The following KIF9 variants were observed in gnomAD, a reference collection of about 807,000 sequenced individuals.
The protein encoded by KIF9 is kinesin-like protein KIF9.
A neutral mutation model predicts 94.8 loss-of-function variants in KIF9; 68 were observed. The observed-to-expected ratio is 0.72, with a 90% CI of 0.59 to 0.88. The LOEUF (loss-of-function observed/expected upper bound fraction) is 0.88, where lower values mean the gene tolerates loss of function less well. Among genes scored for constraint, KIF9 ranks in the 40% least tolerant of loss-of-function variants. The pLI is 0.00. For synonymous variants in KIF9, 343 were observed against 362.1 expected (o/e 0.95, Z 0.60); for missense variants, 882 against 982.5 (o/e 0.90, Z 1.37).
At chr3:47,256,108 T>C (rs1700568629) in intron 10 of KIF9, among the ~76,000 whole-genome samples, 1 of 152,230 alleles carries the variant, frequency 6.6e-6, no homozygotes, top group Admixed American at 6.5e-5. Context: ...CTCGGCTCGC[T>C]ACAACTTCCA....
intron 5 of KIF9, among the ~76,000 whole-genome samples, chr3:47,270,551 G>A (rs1701582552): frequency 6.6e-6 from 1 of 151,798 alleles, no homozygotes; most frequent in South Asian, 2.1e-4. Flanking sequence ...CACTGCACCC[G>A]GCCTTATTTT....
chr3:47,276,671 GGCT>G (rs1454097481), intron 2 of KIF9, among the ~76,000 whole-genome samples: 1 of 152,140 alleles, frequency 6.6e-6, no homozygotes, highest in East Asian at 1.9e-4. Flanking sequence ...CATTTGATAG[GGCT>G]GCATGTGAGC....
intron 13 of KIF9, 194 bp from the exon 14 acceptor site, chr3:47,245,705 G>A (rs1002191940): frequency 1.9e-5 from 11 of 589,210 alleles, no homozygotes; most frequent in African/African-American, 7.4e-5. Flanking sequence ...CCCACTGTCC[G>A]ACCCCCATAC....
intron 10 of KIF9, among the ~76,000 whole-genome samples, chr3:47,254,730 A>T (rs995364351): frequency 2.6e-5 from 4 of 152,246 alleles, no homozygotes; most frequent in African/African-American, 9.6e-5. Flanking sequence ...CTAGGATGCC[A>T]GTGGTTCTCA....
At chr3:47,259,727 G>A (rs1363106369) in intron 9 of KIF9, among the ~76,000 whole-genome samples, 8 of 148,208 alleles carry the variant, frequency 5.4e-5, no homozygotes, top group African/African-American at 7.5e-5. Context: ...GATTAAGGGC[G>A]GTGCAAGATG....
chr3:47,228,975 G>C (rs1457988126), intron 20 of KIF9, among the ~76,000 whole-genome samples: 2 of 152,218 alleles, frequency 1.3e-5, no homozygotes, highest in African/African-American at 4.8e-5. Context: ...GGGCATTCTT[G>C]GGAGTTTCTG....
At chr3:47,258,374 T>G (rs2107360848) in intron 9 of KIF9, among the ~76,000 whole-genome samples, 1 of 152,302 alleles carries the variant, frequency 6.6e-6, no homozygotes, top group Admixed American at 6.5e-5. Context: ...GCCTCCTAAG[T>G]AGCTGGGGCT....
At chr3:47,281,784 A>T (rs573833105) in intron 1 of KIF9, among the ~76,000 whole-genome samples, 2 of 152,308 alleles carry the variant, frequency 1.3e-5, no homozygotes, top group African/African-American at 2.4e-5. Flanking sequence ...AGGTTTCCTC[A>T]TTTGTCTTTA....
intron 20 of KIF9, among the ~76,000 whole-genome samples, chr3:47,231,404 CTTTTTTTT>C (rs34079988): frequency 2.5e-5 from 2 of 79,786 alleles, no homozygotes; most frequent in South Asian, 5.2e-4. Flanking sequence ...TCAGTATCTA[CTTTTTTTT>C]TTTTTTTTTT....
chr3:47,248,930 CCTA>C (rs1160243589), intron 10 of KIF9, among the ~76,000 whole-genome samples: 1 of 151,970 alleles, frequency 6.6e-6, no homozygotes, highest in Non-Finnish European at 1.5e-5. Flanking sequence ...AGACAGGGGT[CCTA>C]CTATGTTGCC....
chr3:47,273,330 T>A (rs569218875), intron 4 of KIF9, among the ~76,000 whole-genome samples: 2 of 152,134 alleles, frequency 1.3e-5, no homozygotes, highest in Non-Finnish European at 2.9e-5. Flanking sequence ...ACAGGCTCAG[T>A]GTGGGTATGG....
chr3:47,229,794 C>G (rs538422413), intron 20 of KIF9, among the ~76,000 whole-genome samples: 1 of 151,194 alleles, frequency 6.6e-6, no homozygotes, highest in East Asian at 1.9e-4. Context: ...AGTACAGTGG[C>G]GCAATCTCGG....
In KIF9 at chr3:47,267,305, A is replaced by C. The variant is rs1266851832; in HGVS notation, c.592-42T>G. ...TCATAGGCAACATTTCGAAAAACTA[A>C]AACGACAAGGCACTTGGGTCATTTT... On this transcript the variant is annotated intron_variant, in intron 5 of 20. Transcript: ENST00000684063. 2.1e-6 allele frequency: 3 copies of C among 1,399,494 alleles called. No homozygotes were observed. In the African/African-American group the frequency reaches 4.2e-5, roughly 20 times the overall value. The allele number at this position is 1,399,494 out of a possible 1,614,324, so 86.7% of individuals were successfully genotyped here.
chr3:47,280,203 C>A (rs917695377), intron 1 of KIF9, among the ~76,000 whole-genome samples: 2 of 152,132 alleles, frequency 1.3e-5, no homozygotes, highest in East Asian at 1.9e-4. Flanking sequence ...AGCAATCCAC[C>A]CACCTCAGCC....
intron 10 of KIF9, among the ~76,000 whole-genome samples, chr3:47,255,908 C>T (rs1700548681): frequency 1.3e-5 from 2 of 152,218 alleles, no homozygotes; most frequent in African/African-American, 4.8e-5. Context: ...TGCGGGCGCG[C>T]GCCACCACAC....
intron 10 of KIF9, among the ~76,000 whole-genome samples, chr3:47,254,510 C>T (rs1700452585): frequency 6.6e-6 from 1 of 152,126 alleles, no homozygotes. Flanking sequence ...ACTTGGGAGG[C>T]TGAGGCAGAA....
chr3:47,247,307 T>TG (rs772813743), intron 12 of KIF9, 66 bp downstream of exon 12: 206 of 1,038,912 alleles, frequency 2.0e-4, no homozygotes, highest in Non-Finnish European at 2.9e-4. Context: ...GAGCATGCGT[T>TG]GGGGTGTGCC....
At chr3:47,236,186 G>T in intron 18 of KIF9, 37 bp from the exon 19 acceptor site, 2 of 1,452,794 alleles carry the variant, frequency 1.4e-6, no homozygotes, top group Non-Finnish European at 1.9e-6. Context: ...TGAGGAAGCC[G>T]GTAAGGGCTG....
chr3:47,257,879 C>G (rs896046866), intron 9 of KIF9, among the ~76,000 whole-genome samples: 3 of 152,218 alleles, frequency 2.0e-5, no homozygotes, highest in Admixed American at 6.5e-5. Context: ...GACCCCCTGC[C>G]TGGAGTACCC....
Sources: allele counts gnomAD v4.1 joint callset (sites outside exome capture counted in the v4.1 genomes callset), GRCh38; gene constraint gnomAD v4.1.1; transcripts MANE v1.5; gene names NCBI Gene and HGNC (gene_info 2026-07-23, HGNC 2026-07-21).